The following IFT88 variants were observed in gnomAD, a reference collection of about 807,000 sequenced individuals.
IFT88 encodes the protein intraflagellar transport 88, also known as intraflagellar transport protein 88 homolog.
Under a neutral mutation model 119.5 loss-of-function variants are expected in IFT88, and 74 were observed. The ratio of observed to expected loss-of-function variants is 0.62; its 90% confidence interval spans 0.51 to 0.75. IFT88 has a LOEUF of 0.75. IFT88 is among the 30% of genes least tolerant of loss of function. IFT88 has a pLI of 0.00. For synonymous variants in IFT88, 279 were observed against 316.7 expected, an observed-to-expected ratio of 0.88 and a Z score of 1.26; for missense variants, 961 against 977.7, an observed-to-expected ratio of 0.98 and a Z score of 0.23.
At chr13:20,671,195 A>G (rs2055799350) in intron 24 of IFT88, among the ~76,000 whole-genome samples, 156 bp downstream of exon 24, 1 of 152,244 alleles carries the variant, frequency 6.6e-6, no homozygotes, top group African/African-American at 2.4e-5. Flanking sequence ...GTAAGCAGTC[A>G]GTCTGATATG....
chr13:20,629,895 T>A (rs1190038767), intron 15 of IFT88, among the ~76,000 whole-genome samples: 2 of 152,196 alleles, frequency 1.3e-5, no homozygotes, highest in African/African-American at 4.8e-5. Context: ...TCTACCCTTG[T>A]TTTTTTCTTT....
chr13:20,629,854 A>G (rs1006303969), intron 15 of IFT88, among the ~76,000 whole-genome samples: 4 of 152,228 alleles, frequency 2.6e-5, no homozygotes, highest in African/African-American at 9.6e-5. Flanking sequence ...ATATTTTAAA[A>G]GAAGGAAGGA....
intron 1 of IFT88, among the ~76,000 whole-genome samples, chr13:20,573,735 C>T (rs964641459): frequency 3.3e-5 from 5 of 152,160 alleles, no homozygotes; most frequent in African/African-American, 1.2e-4. Flanking sequence ...TAATTTTACA[C>T]ATTCTGATGG....
chr13:20,598,216 T>C (rs2042072082), intron 9 of IFT88, among the ~76,000 whole-genome samples: 1 of 150,930 alleles, frequency 6.6e-6, no homozygotes, highest in African/African-American at 2.4e-5. Context: ...TAATTTACTA[T>C]AAATTAATTA....
At position 20,571,505 on chromosome 13, in the gene IFT88, T is replaced by C. The variant is rs112604753; in HGVS notation, c.-6-2875T>C. Among the ~76,000 whole-genome samples the C allele has an allele frequency of 9.8e-3, 1,490 of 152,344 alleles. 25 individuals carry two copies. The highest frequency in any genetic ancestry group is 0.034 in the African/African-American group (1,398 of 41,576). ...TTCCAGGAATCCTTGCCAGATTCTT[T>C]AGTAATTATTAGATTTACAGTATAT... On this transcript the variant is annotated intron_variant, in intron 1 of 25. Coordinates refer to ENST00000351808, the MANE Select transcript of IFT88 (RefSeq NM_006531.5).
chr13:20,588,327 A>G (rs1204224306), intron 3 of IFT88, among the ~76,000 whole-genome samples: 1 of 151,900 alleles, frequency 6.6e-6, no homozygotes, highest in Non-Finnish European at 1.5e-5. Context: ...TAATTTATTG[A>G]TCATGTTAAG....
chr13:20,613,550 A>G (rs1412022900), intron 13 of IFT88, among the ~76,000 whole-genome samples: 2 of 152,198 alleles, frequency 1.3e-5, no homozygotes, highest in Admixed American at 6.5e-5. Context: ...TAGACTTACC[A>G]TATAACCCAG....
intron 22 of IFT88, among the ~76,000 whole-genome samples, chr13:20,661,474 G>A (rs972990372): frequency 3.9e-5 from 6 of 152,176 alleles, no homozygotes; most frequent in African/African-American, 7.2e-5. Context: ...GGTGGCACAC[G>A]CCTGTAATCC....
chr13:20,656,506 C>T, intron 22 of IFT88, 76 bp downstream of exon 22: 1 of 606,600 alleles, frequency 1.6e-6, no homozygotes, highest in South Asian at 3.0e-5. Flanking sequence ...ATTACCTTTG[C>T]TACAGTAATT....
chr13:20,608,184 G>C, intron 13 of IFT88: 1 of 300,212 alleles, frequency 3.3e-6, no homozygotes. Flanking sequence ...AGACTGTTCT[G>C]CGACGGCTTC....
chr13:20,691,157 T>C lies in IFT88; in HGVS notation c.2457T>C (p.Asp819=), dbSNP rs2058432753. 3.1e-6 allele frequency: 5 copies of C among 1,613,424 alleles called. No homozygotes were observed. Among genetic ancestry groups the C allele is most frequent in the Non-Finnish European group, 4.2e-6 (5 of 1,179,616 alleles). ...EDDFADEELG[D]DLLPE is the part of the protein sequence containing the mutation. ...ATTTTGCTGATGAAGAATTAGGAGA[T>C]GATTTGCTTCCAGAATAATATTCAC... is the stretch of plus-strand genomic sequence containing the variant. Residue 819 remains aspartate (D), a synonymous_variant, in exon 26 of 26, where the codon GAT becomes GAC. Transcript: ENST00000351808.
At chr13:20,658,190 G>T (rs1009348597) in intron 22 of IFT88, among the ~76,000 whole-genome samples, 9 of 151,766 alleles carry the variant, frequency 5.9e-5, no homozygotes, top group Non-Finnish European at 8.8e-5. Context: ...TCTGCCTCCT[G>T]GGTTGAAGAG....
At chr13:20,588,021 G>A in intron 3 of IFT88, among the ~76,000 whole-genome samples, 1 of 119,748 alleles carries the variant, frequency 8.4e-6, no homozygotes, top group Non-Finnish European at 1.8e-5. Flanking sequence ...CCTGGCTCTT[G>A]TATATTTCAT....
chr13:20,608,042 T>C (rs1439055810), intron 13 of IFT88: 3 of 553,608 alleles, frequency 5.4e-6, no homozygotes, highest in Non-Finnish European at 1.0e-5. Flanking sequence ...ACCAATGGCC[T>C]CCTCTTCCCC....
At chr13:20,609,235 T>C (rs1293733234) in intron 13 of IFT88, among the ~76,000 whole-genome samples, 1 of 152,186 alleles carries the variant, frequency 6.6e-6, no homozygotes, top group Admixed American at 6.5e-5. Flanking sequence ...TAGGAAACAA[T>C]GCAGTGTTTC....
intron 15 of IFT88, among the ~76,000 whole-genome samples, chr13:20,630,139 ATT>A (rs2047968279): frequency 6.6e-6 from 1 of 152,030 alleles, no homozygotes; most frequent in Non-Finnish European, 1.5e-5. Flanking sequence ...ATTCTGTGCC[ATT>A]TTTCCTTCTT....
rs533157056 is a variant in IFT88, at chr13:20,598,897, A to G, written c.697+144A>G. On this transcript the variant is annotated intron_variant, in intron 10 of 25. Coordinates refer to ENST00000351808, the MANE Select transcript of IFT88 (RefSeq NM_006531.5). ...TATGATAGGGGTATCCTGCTTAAAC[A>G]TACTATTTATATAAAAATCCTTACA... The G allele has an allele frequency of 7.9e-5, 41 of 518,496 alleles. No homozygotes were observed. The East Asian group carries it at 1.1e-3, about 14-fold the overall frequency. 32.1% of individuals were successfully genotyped at this position (518,496 alleles called of 1,614,324 possible). A position where few individuals can be genotyped will look rare whatever the true frequency, so the allele number is the denominator to read the frequency against.
rs138685669 is a variant in IFT88 at position 20,679,157 on chromosome 13, G to A, written c.2242+8118G>A. On this transcript the variant is annotated intron_variant, in intron 24 of 25. Transcript: ENST00000351808. ...ATGAGGAGTAATGCAAAAATCAGAA[G>A]TATTCCAATCACATTGTAACTGCAT... Among the ~76,000 whole-genome samples, 1,429 of 152,306 alleles carry A rather than the reference G, an allele frequency of 9.4e-3. 22 individuals carry two copies. The highest frequency in any genetic ancestry group is 0.033 in the African/African-American group (1,372 of 41,548).
intron 20 of IFT88, among the ~76,000 whole-genome samples, chr13:20,647,056 T>C (rs1185325091): frequency 6.6e-6 from 1 of 152,196 alleles, no homozygotes; most frequent in African/African-American, 2.4e-5. Context: ...TTTCTCTCCC[T>C]CCTGTTTCTC....
Sources: allele counts gnomAD v4.1 joint callset (sites outside exome capture counted in the v4.1 genomes callset), GRCh38; gene constraint gnomAD v4.1.1; transcripts MANE v1.5; gene names NCBI Gene and HGNC (gene_info 2026-07-23, HGNC 2026-07-21).